Variants in DRC9 observed in about 807,000 individuals in gnomAD.
DRC9 encodes dynein regulatory complex protein 9.
chr3:197,923,264 G>A, the DRC9 span, among the ~76,000 whole-genome samples: 349 of 152,260 alleles, frequency 2.3e-3, no homozygotes, highest in African/African-American at 7.7e-3. Flanking sequence ...GACTACAGAT[G>A]TGTACTACCA....
At chr3:197,934,824 A>T in the DRC9 span, among the ~76,000 whole-genome samples, 5 of 98,798 alleles carry the variant, frequency 5.1e-5, no homozygotes, top group East Asian at 9.9e-4. Context: ...CACAAAAATT[A>T]AAAAAAAAAA....
the DRC9 span, among the ~76,000 whole-genome samples, chr3:197,920,437 A>C: frequency 6.6e-6 from 1 of 150,972 alleles, no homozygotes; most frequent in African/African-American, 2.4e-5. Context: ...TAAAAAAAAA[A>C]AAAAAAAGGC....
chr3:197,946,246 T>C, the DRC9 span, among the ~76,000 whole-genome samples: 27 of 151,598 alleles, frequency 1.8e-4, no homozygotes, highest in East Asian at 1.2e-3. Flanking sequence ...CCATCCTGGC[T>C]AACACGGTGA....
the DRC9 span, among the ~76,000 whole-genome samples, chr3:197,900,564 C>T: frequency 4.1e-4 from 57 of 140,152 alleles, 1 homozygote; most frequent in East Asian, 7.1e-3. The surrounding 1 kb of genome is among the most constrained non-coding windows in gnomAD (Gnocchi z 4.7). Flanking sequence ...CAGAACAAGG[C>T]TCTGGGCAGA....
At chr3:197,905,476 A>G in the DRC9 span, among the ~76,000 whole-genome samples, 1 of 152,150 alleles carries the variant, frequency 6.6e-6, no homozygotes, top group African/African-American at 2.4e-5. Flanking sequence ...GCCGGGTGTG[A>G]TGGCTCACAC....
the DRC9 span, chr3:197,960,032 A>G: frequency 1.7e-6 from 1 of 593,472 alleles, no homozygotes; most frequent in Non-Finnish European, 3.0e-6. Context: ...GTGGGCCTCC[A>G]AACAGCATTT....
chr3:197,944,147 T>C, the DRC9 span: 678 of 1,082,786 alleles, frequency 6.3e-4, no homozygotes, highest in Non-Finnish European at 8.0e-4. Context: ...GCTCCTGTGA[T>C]ATTCACATCG....
chr3:197,926,066 T>C, the DRC9 span: 2 of 1,589,628 alleles, frequency 1.3e-6, no homozygotes, highest in African/African-American at 1.3e-5. Flanking sequence ...TAATTAGCTG[T>C]TTTTGAAGTG....
the DRC9 span, among the ~76,000 whole-genome samples, chr3:197,930,664 G>A: frequency 6.6e-6 from 1 of 151,464 alleles, no homozygotes; most frequent in Admixed American, 6.6e-5. Context: ...TGGGACCCAG[G>A]ATGAGGCTGC....
chr3:197,895,974 C>CA, the DRC9 span, among the ~76,000 whole-genome samples: 13,089 of 58,786 alleles, frequency 0.22, 1,346 homozygotes, highest in African/African-American at 0.34. Flanking sequence ...GACCCTGTCT[C>CA]AAAAAAAAAA....
At chr3:197,943,511 G>A in the DRC9 span, among the ~76,000 whole-genome samples, 4,758 of 151,892 alleles carry the variant, frequency 0.031, 232 homozygotes, top group African/African-American at 0.11. Flanking sequence ...TGGTAGTGCA[G>A]GCCTGTAGTC....
At chr3:197,951,580 T>C in the DRC9 span, 2 of 433,754 alleles carry the variant, frequency 4.6e-6, no homozygotes, top group Non-Finnish European at 8.5e-6. Context: ...CCCAAACTCC[T>C]GACCTTAGGT....
the DRC9 span, among the ~76,000 whole-genome samples, chr3:197,908,573 T>C: frequency 7.1e-6 from 1 of 141,262 alleles, no homozygotes; most frequent in South Asian, 2.3e-4. Flanking sequence ...CTGTACCAGG[T>C]CTGAAGAGCA....
the DRC9 span, among the ~76,000 whole-genome samples, chr3:197,906,185 G>A: frequency 6.6e-6 from 1 of 152,144 alleles, no homozygotes; most frequent in South Asian, 2.1e-4. Flanking sequence ...ACGACAGGAG[G>A]GCGTCTCACT....
chr3:197,936,427 C>CAA, the DRC9 span, among the ~76,000 whole-genome samples: 10 of 152,104 alleles, frequency 6.6e-5, no homozygotes, highest in Admixed American at 6.6e-5. Flanking sequence ...TGCAGTGGCA[C>CAA]AATCACGGCT....
At chr3:197,953,616 C>T in the DRC9 span, 4 of 458,310 alleles carry the variant, frequency 8.7e-6, no homozygotes, top group African/African-American at 8.0e-5. Context: ...GTCTTTGTTC[C>T]ATGGTCACCT....
chr3:197,932,633 A>G, the DRC9 span, among the ~76,000 whole-genome samples: 1 of 121,726 alleles, frequency 8.2e-6, no homozygotes, highest in Non-Finnish European at 1.6e-5. Flanking sequence ...CTCCGTCTCA[A>G]TAAATAAATA....
the DRC9 span, among the ~76,000 whole-genome samples, chr3:197,941,211 T>C: frequency 7.3e-6 from 1 of 137,460 alleles, no homozygotes; most frequent in Admixed American, 7.3e-5. Context: ...TTTCTTTCCC[T>C]TCCTTCCTCC....
chr3:197,927,022 G>A, the DRC9 span, among the ~76,000 whole-genome samples: 3 of 152,166 alleles, frequency 2.0e-5, no homozygotes, highest in Non-Finnish European at 4.4e-5. Context: ...ACCGGAGCCT[G>A]TGAACTTAAC....
Sources: allele counts gnomAD v4.1 joint callset (sites outside exome capture counted in the v4.1 genomes callset), GRCh38; gene constraint gnomAD v4.1.1; non-coding constraint Gnocchi (gnomAD v3.1); transcripts MANE v1.5; gene names NCBI Gene and HGNC (gene_info 2026-07-23, HGNC 2026-07-21).